Variants in GHR observed in about 807,000 individuals in gnomAD.
The protein encoded by GHR is growth hormone receptor.
GHR carries 35 observed loss-of-function variants against 67.1 expected under a neutral mutation model. That is an observed-to-expected ratio of 0.52 (90% confidence interval 0.40 to 0.69). GHR has a LOEUF of 0.69. GHR is among the 30% of genes least tolerant of loss of function. The pLI, the probability that GHR is intolerant of heterozygous loss-of-function variation, is 0.00. For synonymous variants in GHR, 272 were observed against 269.1 expected (o/e 1.01, Z -0.10); for missense variants, 792 against 764.6 (o/e 1.04, Z -0.42).
At chr5:42,530,681 A>T (rs1747925744) in intron 1 of GHR, among the ~76,000 whole-genome samples, 2 of 152,158 alleles carry the variant, frequency 1.3e-5, no homozygotes, top group South Asian at 4.2e-4. Context: ...CTAGCATTGA[A>T]CCTCTTATTA....
intron 3 of GHR, among the ~76,000 whole-genome samples, chr5:42,632,200 G>A (rs1753959773): frequency 6.6e-6 from 1 of 151,946 alleles, no homozygotes; most frequent in Non-Finnish European, 1.5e-5. Flanking sequence ...CATTCCCCAG[G>A]CACACTGTAT....
chr5:42,614,559 ATTTTTTTTTTTTTTTT>A (rs553365880), intron 2 of GHR, among the ~76,000 whole-genome samples: 1 of 65,380 alleles, frequency 1.5e-5, no homozygotes, highest in Non-Finnish European at 2.7e-5. Flanking sequence ...CATAGAGGAC[ATTTTTTTTTTTTTTTT>A]TTTTTTTTTT....
intron 2 of GHR, among the ~76,000 whole-genome samples, chr5:42,615,851 A>G (rs923858494): frequency 6.6e-6 from 1 of 152,134 alleles, no homozygotes; most frequent in Non-Finnish European, 1.5e-5. Context: ...TTGTAAGAAA[A>G]TGTTCGCAGA....
At chr5:42,472,752 T>C (rs1230555210) in intron 1 of GHR, among the ~76,000 whole-genome samples, 1 of 152,208 alleles carries the variant, frequency 6.6e-6, no homozygotes, top group African/African-American at 2.4e-5. Context: ...GGGAAAGAGC[T>C]TCTTGTGAGT....
intron 3 of GHR, among the ~76,000 whole-genome samples, chr5:42,661,010 G>A (rs1232352661): frequency 6.6e-6 from 1 of 152,194 alleles, no homozygotes; most frequent in East Asian, 1.9e-4. Flanking sequence ...TGGTATCAGT[G>A]ATGGAATATG....
At chr5:42,466,764 A>G (rs1744750787) in intron 1 of GHR, 7 of 581,526 alleles carry the variant, frequency 1.2e-5, no homozygotes, top group African/African-American at 3.8e-5. Flanking sequence ...CATTCCTGAA[A>G]ACTGTAACTT....
chr5:42,609,577 T>A (rs896342770), intron 2 of GHR, among the ~76,000 whole-genome samples: 1 of 152,118 alleles, frequency 6.6e-6, no homozygotes, highest in Non-Finnish European at 1.5e-5. Flanking sequence ...AGCCAACCAG[T>A]GGTGTCTTCC....
chr5:42,601,455 C>T (rs1035018210), intron 2 of GHR, among the ~76,000 whole-genome samples: 1 of 152,100 alleles, frequency 6.6e-6, no homozygotes. Flanking sequence ...AAAAATCTCA[C>T]TCCATTGTTT....
intron 2 of GHR, among the ~76,000 whole-genome samples, chr5:42,584,320 A>G (rs987047634): frequency 6.6e-6 from 1 of 152,172 alleles, no homozygotes. Flanking sequence ...ATAATCTCCA[A>G]TTACTCCTTT....
chr5:42,477,143 T>C lies in GHR; in HGVS notation c.-12+53188T>C, dbSNP rs1745371206. 4.6e-5 allele frequency among the ~76,000 whole-genome samples: 7 copies of C among 151,576 alleles called. No individual in the cohort carries two copies. The South Asian group carries it at 1.5e-3, about 32-fold the overall frequency. On this transcript the variant is annotated intron_variant, in intron 1 of 9. Coordinates refer to ENST00000230882, the MANE Select transcript of GHR (RefSeq NM_000163.5). ...TGAGAACATGCGGTGTTTGGTTTTT[T>C]TTCCTTGCGATACTTTGCTGAGAAT...
chr5:42,618,632 A>G (rs906918238), intron 2 of GHR, among the ~76,000 whole-genome samples: 1 of 152,204 alleles, frequency 6.6e-6, no homozygotes, highest in Non-Finnish European at 1.5e-5. Flanking sequence ...GATGAGTGAC[A>G]TATATAATAA....
chr5:42,507,002 A>G (rs985960524), intron 1 of GHR, among the ~76,000 whole-genome samples: 1 of 152,224 alleles, frequency 6.6e-6, no homozygotes, highest in African/African-American at 2.4e-5. Flanking sequence ...ATTTAGCACA[A>G]ATTAGCTATC....
chr5:42,549,620 G>T, intron 1 of GHR: 1 of 968,032 alleles, frequency 1.0e-6, no homozygotes, highest in Non-Finnish European at 1.2e-6. Context: ...CCAGAGGTGT[G>T]AATAGCCCAG....
At chr5:42,689,402 G>A (rs1757314780) in intron 4 of GHR, among the ~76,000 whole-genome samples, 1 of 152,212 alleles carries the variant, frequency 6.6e-6, no homozygotes, top group Non-Finnish European at 1.5e-5. Flanking sequence ...GTGTGAGAGT[G>A]TGTCAAAGTG....
chr5:42,591,745 A>G (rs192151428), intron 2 of GHR, among the ~76,000 whole-genome samples: 1 of 152,202 alleles, frequency 6.6e-6, no homozygotes, highest in African/African-American at 2.4e-5. Context: ...GCCCCTCCCA[A>G]AAGAGCTCCA....
chr5:42,706,934 T>C (rs887428466), intron 6 of GHR, among the ~76,000 whole-genome samples: 1 of 152,174 alleles, frequency 6.6e-6, no homozygotes, highest in Non-Finnish European at 1.5e-5. Context: ...ATTACATTGA[T>C]AATTTGATAG....
chr5:42,562,336 G>A (rs1316876163), intron 1 of GHR, among the ~76,000 whole-genome samples: 2 of 152,136 alleles, frequency 1.3e-5, no homozygotes, highest in Non-Finnish European at 2.9e-5. Context: ...AACATCAGTG[G>A]AAGAGAAGGG....
chr5:42,708,457 A>T (rs967248639), intron 6 of GHR, among the ~76,000 whole-genome samples: 1 of 152,146 alleles, frequency 6.6e-6, no homozygotes, highest in Non-Finnish European at 1.5e-5. Context: ...ATGAAAATAT[A>T]TTATTTAACA....
intron 1 of GHR, among the ~76,000 whole-genome samples, chr5:42,552,264 A>C (rs961075469): frequency 1.3e-4 from 20 of 152,248 alleles, no homozygotes; most frequent in African/African-American, 4.8e-4. Context: ...AGGACATGTT[A>C]CAAAGATAGA....
Sources: gnomAD v4.1 joint callset for allele counts (sites outside exome capture counted in the v4.1 genomes callset) on GRCh38, gnomAD v4.1.1 for gene constraint, MANE v1.5 for transcripts, NCBI Gene and HGNC (gene_info 2026-07-23, HGNC 2026-07-21) for gene names.